The following REL variants were observed in gnomAD, a reference collection of about 807,000 sequenced individuals.
The protein encoded by REL is proto-oncogene c-Rel.
A neutral mutation model predicts 45.9 loss-of-function variants in REL; 15 were observed. That is an observed-to-expected ratio of 0.33 (90% CI 0.22 to 0.50). REL has a LOEUF of 0.50. REL is among the 20% of genes least tolerant of loss of function. The pLI is 0.98. For synonymous variants in REL, 239 were observed against 242.1 expected (o/e 0.99, Z 0.12); for missense variants, 601 against 715.2 (o/e 0.84, Z 1.82).
chr2:60,885,243 A>G (rs1042190911), intron 1 of REL, among the ~76,000 whole-genome samples: 4 of 152,188 alleles, frequency 2.6e-5, no homozygotes, highest in African/African-American at 9.7e-5. Flanking sequence ...GTTTGTAGGC[A>G]CATGACCCAA....
At position 60,920,775 on chromosome 2, in the gene REL, G is replaced by C. The variant is rs1207907986; in HGVS notation, c.991+133G>C. On this transcript the variant is annotated intron_variant, in intron 9 of 9. Coordinates refer to ENST00000394479, the MANE Select transcript of REL (RefSeq NM_001291746.2). Reference sequence around the variant, plus strand: ...TCTCTCCAGATTTTTCATGCTTTCAGTATAGAATGAATTAAGCATGGCTTC... The same window carrying C: ...TCTCTCCAGATTTTTCATGCTTTCACTATAGAATGAATTAAGCATGGCTTC... 3.7e-5 allele frequency: 21 copies of C among 574,704 alleles called. No individual in the cohort carries two copies. In the East Asian group the frequency reaches 6.6e-4, roughly 18 times the overall value. The allele number at this position is 574,704 out of a possible 1,614,324, so 35.6% of individuals were successfully genotyped here.
intron 4 of REL, among the ~76,000 whole-genome samples, chr2:60,910,614 C>G (rs900779637): frequency 3.3e-5 from 5 of 151,868 alleles, no homozygotes; most frequent in Admixed American, 3.3e-4. Flanking sequence ...CTCATGCTTC[C>G]TTCCGTTAGT....
At chr2:60,917,180 C>G (rs1673992827) in intron 5 of REL, among the ~76,000 whole-genome samples, 163 bp downstream of exon 5, 1 of 152,146 alleles carries the variant, frequency 6.6e-6, no homozygotes, top group South Asian at 2.1e-4. Context: ...CTAATCTCAT[C>G]CTCCAGAGAT....
At position 60,929,610 on chromosome 2, in the gene REL, G is replaced by C. The variant is rs1221164326; in HGVS notation, c.*7075G>C. ...ACCACATATTCTCACTCATAGGTGG[G>C]AATTGAACAATGAGAACACATGGAC... On this transcript the variant is annotated 3_prime_UTR_variant, in exon 10 of 10. Coordinates refer to ENST00000394479, the MANE Select transcript of REL (RefSeq NM_001291746.2). The C allele has an allele frequency of 6.8e-6, 1 of 146,602 alleles. No homozygotes were observed. The highest frequency in any genetic ancestry group is 7.1e-5 in the Admixed American group (1 of 14,178). 9.1% of individuals were successfully genotyped at this position (146,602 alleles called of 1,614,324 possible). A position where few individuals can be genotyped will look rare whatever the true frequency, so the allele number is the denominator to read the frequency against.
chr2:60,886,564 G>A (rs974071205), intron 1 of REL, among the ~76,000 whole-genome samples: 3 of 152,132 alleles, frequency 2.0e-5, no homozygotes, highest in Non-Finnish European at 2.9e-5. Flanking sequence ...TTTTCAAATG[G>A]AGATTAAAGT....
At chr2:60,912,759 A>G (rs1673855134) in intron 4 of REL, among the ~76,000 whole-genome samples, 1 of 152,172 alleles carries the variant, frequency 6.6e-6, no homozygotes, top group East Asian at 1.9e-4. Context: ...ATGTATAATT[A>G]TTGAAAAAAG....
chr2:60,908,397 C>T (rs1673720277), intron 4 of REL, among the ~76,000 whole-genome samples: 1 of 152,150 alleles, frequency 6.6e-6, no homozygotes, highest in Non-Finnish European at 1.5e-5. Flanking sequence ...AACTAAGAAA[C>T]AGTCTCTAGC....
At position 60,926,430 on chromosome 2, in the gene REL, T is replaced by C. The variant is rs60424728; in HGVS notation, c.*3895T>C. On this transcript the variant is annotated 3_prime_UTR_variant, in exon 10 of 10. Coordinates refer to ENST00000394479, the MANE Select transcript of REL (RefSeq NM_001291746.2). ...ACTGCCCGCCTTGTCAAATCTAGTG[T>C]CTTTTTTTCAGTCCTCACACTGCTT... 521 of 232,140 alleles carry C rather than the reference T, an allele frequency of 2.2e-3. 5 individuals are homozygous for C. The highest frequency in any genetic ancestry group is 9.4e-3 in the African/African-American group (426 of 45,356). The allele number at this position is 232,140 out of a possible 1,614,324, so 14.4% of individuals were successfully genotyped here.
intron 7 of REL, among the ~76,000 whole-genome samples, chr2:60,919,169 C>A (rs1674062779): frequency 6.6e-6 from 1 of 152,136 alleles, no homozygotes; most frequent in African/African-American, 2.4e-5. Flanking sequence ...TCTTATCAAA[C>A]CTTATTGCAT....
chr2:60,888,141 C>T (rs758602389), intron 1 of REL, among the ~76,000 whole-genome samples: 23 of 152,006 alleles, frequency 1.5e-4, no homozygotes, highest in Non-Finnish European at 7.4e-5. Flanking sequence ...GTTTTCCAGG[C>T]TGGTCTGGAA....
rs553865178 is a variant in REL at position 60,930,839 on chromosome 2, T to C, written c.*8304T>C. 79 of 152,448 alleles carry C rather than the reference T, an allele frequency of 5.2e-4. No individual in the cohort carries two copies. Among genetic ancestry groups the C allele is most frequent in the African/African-American group, 1.8e-3 (76 of 41,570 alleles). The allele number at this position is 152,448 out of a possible 1,614,324, so 9.4% of individuals were successfully genotyped here. On this transcript the variant is annotated 3_prime_UTR_variant, in exon 10 of 10. Transcript: ENST00000394479. ...ACAACTTTAGTTTACTATTGGACTT[T>C]CAAAAATTTAAAGAATTACAAGTAA... is the stretch of plus-strand genomic sequence containing the variant.
At chr2:60,901,389 T>C (rs1673494415) in intron 4 of REL, among the ~76,000 whole-genome samples, 1 of 152,162 alleles carries the variant, frequency 6.6e-6, no homozygotes, top group Non-Finnish European at 1.5e-5. Flanking sequence ...CTCGAACTCC[T>C]GACATCAGGT....
At chr2:60,909,896 C>T (rs747142046) in intron 4 of REL, among the ~76,000 whole-genome samples, 1 of 151,930 alleles carries the variant, frequency 6.6e-6, no homozygotes, top group African/African-American at 2.4e-5. Context: ...AGCAAGACTC[C>T]ATCTCAAAAA....
chr2:60,924,576 G>T lies in REL; in HGVS notation c.*2041G>T. 1.4e-5 allele frequency: 3 copies of T among 216,020 alleles called. No individual in the cohort carries two copies. The highest frequency in any genetic ancestry group is 2.8e-5 in the Non-Finnish European group (3 of 107,178). 13.4% of individuals were successfully genotyped at this position (216,020 alleles called of 1,614,324 possible). On this transcript the variant is annotated 3_prime_UTR_variant, in exon 10 of 10. Transcript: ENST00000394479. The stretch of plus-strand genomic sequence containing the variant: ...AGGAAAATAATCCCAGTGGCAAAAT[G>T]ATGGTAGAATTTGGGTAATCTTTTT...
At chr2:60,894,154 G>A (rs553384043) in intron 2 of REL, among the ~76,000 whole-genome samples, 2 of 152,252 alleles carry the variant, frequency 1.3e-5, no homozygotes, top group African/African-American at 4.8e-5. Flanking sequence ...AGGAAAATAA[G>A]CCCAGTCAAA....
chr2:60,893,876 ATGT>A (rs2103932316), intron 2 of REL, among the ~76,000 whole-genome samples: 1 of 152,228 alleles, frequency 6.6e-6, no homozygotes, highest in South Asian at 2.1e-4. Context: ...GTGAAATTTG[ATGT>A]TGTTAAACTC....
intron 2 of REL, 76 bp downstream of exon 2, chr2:60,891,901 C>A: frequency 1.5e-6 from 2 of 1,318,260 alleles, no homozygotes; most frequent in South Asian, 1.9e-5. Context: ...TTTTAAAGGG[C>A]CAGTTTCTTC....
intron 4 of REL, among the ~76,000 whole-genome samples, chr2:60,913,281 ATTT>A (rs769156739): frequency 3.3e-5 from 5 of 151,868 alleles, no homozygotes; most frequent in East Asian, 1.9e-4. Context: ...TTAAAAAAAA[ATTT>A]TTTATTTTGC....
intron 4 of REL, among the ~76,000 whole-genome samples, chr2:60,907,326 C>G (rs563267194): frequency 2.0e-5 from 3 of 152,210 alleles, no homozygotes; most frequent in African/African-American, 7.2e-5. Flanking sequence ...CCTTGTATCT[C>G]TGGCACATGA....
Sources: allele counts gnomAD v4.1 joint callset (sites outside exome capture counted in the v4.1 genomes callset), GRCh38; gene constraint gnomAD v4.1.1; transcripts MANE v1.5; gene names NCBI Gene and HGNC (gene_info 2026-07-23, HGNC 2026-07-21).